Variants in SAMD3 observed in about 807,000 individuals in gnomAD.
The protein encoded by SAMD3 is sterile alpha motif domain containing 3, also known as sterile alpha motif domain-containing protein 3.
SAMD3 carries 63 observed loss-of-function variants against 58.5 expected under a neutral mutation model. The ratio of observed to expected loss-of-function variants is 1.08; its 90% CI spans 0.88 to 1.33. The LOEUF is 1.33. SAMD3 is among the 40% of genes most tolerant of loss of function. The pLI, the probability that SAMD3 is intolerant of heterozygous loss-of-function variation, is 0.00. For missense variants in SAMD3, 604 were observed against 608.4 expected (o/e 0.99, Z 0.08); for synonymous variants, 220 against 210.3 (o/e 1.05, Z -0.40).
rs142584404 is a variant in SAMD3 at position 130,350,270 on chromosome 6, G to C, written c.-304+14850C>G. 8.4e-3 allele frequency among the ~76,000 whole-genome samples: 1,274 copies of C among 152,250 alleles called. 17 individuals carry two copies. The highest frequency in any genetic ancestry group is 0.029 in the African/African-American group (1,214 of 41,534). On this transcript the variant is annotated intron_variant, in intron 1 of 13. Transcript: ENST00000368134. ...TAAAGGGCATTCAATTAGGAAAAGAGAAAGTCAAATTGTCCCTGTTTGCAG... is the reference window on the plus strand; with the variant it reads ...TAAAGGGCATTCAATTAGGAAAAGACAAAGTCAAATTGTCCCTGTTTGCAG...
In SAMD3 at chr6:130,146,035, ATGT is replaced by A. The variant is rs762061698; in HGVS notation, c.1167_1169del (p.Lys389_His390delinsAsn). 5.1e-6 allele frequency: 8 copies of A among 1,571,642 alleles called. No individual in the cohort carries two copies. The highest frequency in any genetic ancestry group is 6.9e-6 in the Non-Finnish European group (8 of 1,161,978). On this transcript the variant is annotated inframe_deletion, in exon 10 of 12. Transcript: ENST00000439090. ...ATTTCAACATGTCTTCATCTGTGTA[ATGT>A]TTCATTTTTTCTTGCAATACAATAT...
At chr6:130,286,130 A>G (rs1277021922) in intron 2 of SAMD3, 3 of 152,248 alleles carry the variant, frequency 2.0e-5, no homozygotes, top group Admixed American at 2.0e-4. Flanking sequence ...TCAGATAGTG[A>G]TAAGATTGAA....
intron 2 of SAMD3, among the ~76,000 whole-genome samples, chr6:130,246,443 C>A (rs1026561384): frequency 6.6e-6 from 1 of 151,570 alleles, no homozygotes; most frequent in African/African-American, 2.4e-5. Flanking sequence ...AGTGGGTACA[C>A]CCTAAAGACC....
intron 2 of SAMD3, among the ~76,000 whole-genome samples, chr6:130,269,078 T>G (rs749347762): frequency 1.3e-5 from 2 of 152,210 alleles, no homozygotes; most frequent in Non-Finnish European, 2.9e-5. Context: ...TATTCTTAAA[T>G]TCTTATACTC....
chr6:130,340,231 A>T (rs1438477247), intron 1 of SAMD3, among the ~76,000 whole-genome samples: 1 of 152,256 alleles, frequency 6.6e-6, no homozygotes, highest in African/African-American at 2.4e-5. Flanking sequence ...AATGAGTCTT[A>T]CTGGGCTAAA....
At chr6:130,308,430 ATTCTATTC>A (rs1562513294) in intron 2 of SAMD3, among the ~76,000 whole-genome samples, 14 of 114,230 alleles carry the variant, frequency 1.2e-4, no homozygotes, top group Non-Finnish European at 2.4e-4. Context: ...ATTCTATTCT[ATTCTATTC>A]TTTTGTGTGT....
intron 1 of SAMD3, among the ~76,000 whole-genome samples, chr6:130,329,282 T>C (rs1049599961): frequency 2.7e-5 from 4 of 146,286 alleles, no homozygotes; most frequent in African/African-American, 1.0e-4. Context: ...AAAAAAAGCC[T>C]GGTAAAGTTT....
At chr6:130,202,912 C>T (rs1794771887) in intron 5 of SAMD3, among the ~76,000 whole-genome samples, 2 of 150,504 alleles carry the variant, frequency 1.3e-5, no homozygotes, top group Admixed American at 1.3e-4. Context: ...GATGCCCCCC[C>T]TCCTCCCCCG....
At chr6:130,245,847 T>C (rs1044950396) in intron 2 of SAMD3, among the ~76,000 whole-genome samples, 1 of 152,106 alleles carries the variant, frequency 6.6e-6, no homozygotes, top group Non-Finnish European at 1.5e-5. Context: ...ACTGCAACAT[T>C]TTTTTTTCTA....
At chr6:130,293,238 C>T (rs1467679761) in intron 2 of SAMD3, among the ~76,000 whole-genome samples, 1 of 152,106 alleles carries the variant, frequency 6.6e-6, no homozygotes, top group African/African-American at 2.4e-5. Context: ...CATTTGAGGC[C>T]AGTGAAAAGG....
At position 130,292,253 on chromosome 6, in the gene SAMD3, C is replaced by CT. The variant is rs1206714773; in HGVS notation, c.-188+20724dup. ...TAGGTGATTCAATTCTCAGGAATAACTTTTTTTTTCTTTCTTTCTTTTTTT... is the reference window on the plus strand; with the variant it reads ...TAGGTGATTCAATTCTCAGGAATAACTTTTTTTTTTCTTTCTTTCTTTTTTT... On this transcript the variant is annotated intron_variant, in intron 2 of 13. Transcript: ENST00000368134. 1.2e-3 allele frequency among the ~76,000 whole-genome samples: 170 copies of CT among 144,002 alleles called. 1 individual carries two copies. Among genetic ancestry groups the CT allele is most frequent in the African/African-American group, 4.2e-3 (163 of 39,152 alleles). The allele number at this position is 144,002 out of a possible 152,430, so 94.5% of individuals were successfully genotyped here.
chr6:130,180,121 T>A (rs569371357), intron 7 of SAMD3, among the ~76,000 whole-genome samples: 5 of 151,066 alleles, frequency 3.3e-5, no homozygotes, highest in Non-Finnish European at 5.9e-5. Flanking sequence ...GACCTTTTTT[T>A]TTATTATTAT....
chr6:130,286,618 A>G (rs1342812229), intron 2 of SAMD3, among the ~76,000 whole-genome samples: 3 of 152,138 alleles, frequency 2.0e-5, no homozygotes, highest in Non-Finnish European at 4.4e-5. Flanking sequence ...AGATATCCAT[A>G]TATTTTTTCT....
At chr6:130,182,720 T>A (rs1379956232) in intron 7 of SAMD3, among the ~76,000 whole-genome samples, 1 of 152,160 alleles carries the variant, frequency 6.6e-6, no homozygotes, top group African/African-American at 2.4e-5. Flanking sequence ...AATGTCTTTA[T>A]ATTCATAGAT....
intron 2 of SAMD3, among the ~76,000 whole-genome samples, chr6:130,235,593 T>C (rs902626962): frequency 2.6e-5 from 4 of 152,142 alleles, no homozygotes; most frequent in African/African-American, 7.2e-5. Context: ...TTTCAAAACA[T>C]ATAGCTAAAA....
chr6:130,282,748 T>A (rs988225490), intron 2 of SAMD3, among the ~76,000 whole-genome samples: 2 of 152,232 alleles, frequency 1.3e-5, no homozygotes, highest in Admixed American at 1.3e-4. Flanking sequence ...TCCAAACTTG[T>A]GTTTCATGCA....
At chr6:130,267,869 G>A (rs553254978) in intron 2 of SAMD3, among the ~76,000 whole-genome samples, 3 of 152,256 alleles carry the variant, frequency 2.0e-5, no homozygotes, top group Admixed American at 6.5e-5. Context: ...GAACGAGCTC[G>A]GCTCTTGAGA....
intron 8 of SAMD3, among the ~76,000 whole-genome samples, chr6:130,168,226 G>C (rs1023587434): frequency 6.6e-6 from 1 of 152,114 alleles, no homozygotes; most frequent in Admixed American, 6.6e-5. Flanking sequence ...CTGAGGTCAG[G>C]AGTTCGAGAC....
rs118096665 is a variant in SAMD3, at chr6:130,291,805, T to C, written c.-188+21173A>G. Among the ~76,000 whole-genome samples the C allele has an allele frequency of 7.8e-3, 1,190 of 152,338 alleles. 16 individuals are homozygous for C. Among genetic ancestry groups the C allele is most frequent in the African/African-American group, 0.025 (1,023 of 41,580 alleles). On this transcript the variant is annotated intron_variant, in intron 2 of 13. Coordinates refer to the SAMD3 transcript ENST00000368134. Reference sequence around the variant, plus strand: ...AATTTCAGAATTACTTGATTAATTATGGGTTCTCCTTCAGCGACATAAGTG... The same window carrying C: ...AATTTCAGAATTACTTGATTAATTACGGGTTCTCCTTCAGCGACATAAGTG...
Sources: gnomAD v4.1 joint callset for allele counts (sites outside exome capture counted in the v4.1 genomes callset) on GRCh38, gnomAD v4.1.1 for gene constraint, MANE v1.5 for transcripts, NCBI Gene and HGNC (gene_info 2026-07-23, HGNC 2026-07-21) for gene names.